The following KIT variants were observed in gnomAD, a reference collection of about 807,000 sequenced individuals.
The protein encoded by KIT is mast/stem cell growth factor receptor Kit.
Under a neutral mutation model 105.7 loss-of-function variants are expected in KIT, and 16 were observed. That is an observed-to-expected ratio of 0.15 (90% CI 0.10 to 0.23). The LOEUF is 0.23. Ranked by LOEUF, KIT falls within the 10% of genes least tolerant of loss-of-function variation. The pLI is 1.00. For missense variants in KIT, 858 were observed against 1,213.8 expected, an observed-to-expected ratio of 0.71 and a Z score of 4.36; for synonymous variants, 438 against 441.1, an observed-to-expected ratio of 0.99 and a Z score of 0.09.
At chr4:54,724,319 C>T (rs1295783980) in intron 8 of KIT, among the ~76,000 whole-genome samples, 1 of 152,178 alleles carries the variant, frequency 6.6e-6, no homozygotes, top group East Asian at 1.9e-4. Context: ...CTATTTTATG[C>T]TCAGGCTTTA....
At chr4:54,689,908 C>G (rs1212511214) in intron 1 of KIT, among the ~76,000 whole-genome samples, 1 of 152,126 alleles carries the variant, frequency 6.6e-6, no homozygotes, top group African/African-American at 2.4e-5. Context: ...ATAACCTGTT[C>G]TACTTTCTGT....
intron 1 of KIT, among the ~76,000 whole-genome samples, chr4:54,672,014 T>C (rs1462470912): frequency 6.6e-6 from 1 of 152,284 alleles, no homozygotes; most frequent in Admixed American, 6.5e-5. Flanking sequence ...CAAATAAATA[T>C]AATTACATAA....
intron 7 of KIT, among the ~76,000 whole-genome samples, chr4:54,714,793 A>G (rs758088691): frequency 2.0e-5 from 3 of 152,212 alleles, no homozygotes; most frequent in Non-Finnish European, 4.4e-5. Flanking sequence ...TTATCCTTTA[A>G]TGACGAGCTT....
At chr4:54,693,266 G>A (rs748792716) in intron 1 of KIT, among the ~76,000 whole-genome samples, 1 of 152,150 alleles carries the variant, frequency 6.6e-6, no homozygotes, top group Non-Finnish European at 1.5e-5. Context: ...TCTTACTGTG[G>A]CATCTGCCCT....
chr4:54,732,195 A>G (rs997484372), intron 16 of KIT, among the ~76,000 whole-genome samples, 197 bp downstream of exon 16: 1 of 151,928 alleles, frequency 6.6e-6, no homozygotes, highest in Admixed American at 6.6e-5. Flanking sequence ...TTCCTGTTCT[A>G]ATTTATAAGC....
intron 7 of KIT, among the ~76,000 whole-genome samples, chr4:54,720,621 C>T (rs1423353505): frequency 6.6e-6 from 1 of 152,248 alleles, no homozygotes; most frequent in Non-Finnish European, 1.5e-5. Context: ...CATCACCTTA[C>T]TACCCAGAGA....
rs939479340 is a variant in KIT, at chr4:54,738,763, C to T, written c.*206C>T. ...GCAAAGGTTCCAACTGTATATATTC[C>T]CAATAGCAACGTAGCTTCTACCATG... On this transcript the variant is annotated 3_prime_UTR_variant, in exon 21 of 21. Coordinates refer to ENST00000288135, the MANE Select transcript of KIT (RefSeq NM_000222.3). 6.2e-6 allele frequency: 4 copies of T among 648,200 alleles called. No individual in the cohort carries two copies. Among genetic ancestry groups the T allele is most frequent in the Non-Finnish European group, 1.1e-5 (4 of 364,648 alleles). 40.2% of individuals were successfully genotyped at this position (648,200 alleles called of 1,614,324 possible).
chr4:54,737,356 G>A (rs959976230), intron 20 of KIT, 76 bp downstream of exon 20: 1 of 988,128 alleles, frequency 1.0e-6, no homozygotes, highest in African/African-American at 1.6e-5. Flanking sequence ...GGCTTTCAGG[G>A]TGAGGACTAA....
intron 1 of KIT, among the ~76,000 whole-genome samples, chr4:54,685,695 CGG>C (rs1719264825): frequency 6.6e-6 from 1 of 152,176 alleles, no homozygotes; most frequent in Non-Finnish European, 1.5e-5. Context: ...AGCCTCACAC[CGG>C]CAGCAATTCT....
intron 7 of KIT, among the ~76,000 whole-genome samples, chr4:54,713,651 G>C (rs1721292721): frequency 1.3e-5 from 2 of 152,164 alleles, no homozygotes; most frequent in African/African-American, 4.8e-5. Flanking sequence ...AAATGCTATT[G>C]AAAATCCTTG....
At position 54,707,121 on chromosome 4, in the gene KIT, C is replaced by T. The variant is rs746831586; in HGVS notation, c.949C>T (p.Pro317Ser). 1 of 1,553,398 alleles carries T rather than the reference C, an allele frequency of 6.4e-7. No homozygotes were observed. Among genetic ancestry groups the T allele is most frequent in the Non-Finnish European group, 8.9e-7 (1 of 1,125,540 alleles). The change falls in exon 6 of 21, where the codon CCC becomes TCC. Residue 317 changes from proline to serine, a missense_variant. By Grantham distance (74) the Pro-to-Ser change is moderately conservative. Coordinates refer to ENST00000288135, the MANE Select transcript of KIT (RefSeq NM_000222.3). The part of the protein sequence containing the change: ...VVDKGFINIF[P>S]MINTTVFVND... Reference sequence around the variant, plus strand: ...AGATAAAGGATTCATTAATATCTTCCCCATGATAAACACTACAGTATTTGT... The same window carrying T: ...AGATAAAGGATTCATTAATATCTTCTCCATGATAAACACTACAGTATTTGT...
intron 7 of KIT, among the ~76,000 whole-genome samples, chr4:54,723,132 T>C (rs1721999288): frequency 1.3e-5 from 2 of 152,134 alleles, no homozygotes; most frequent in Admixed American, 6.6e-5. Context: ...GGGCTTATCT[T>C]TTCCTCTAAC....
At chr4:54,670,707 C>A (rs1181995829) in intron 1 of KIT, among the ~76,000 whole-genome samples, 4 of 152,150 alleles carry the variant, frequency 2.6e-5, no homozygotes, top group Non-Finnish European at 4.4e-5. Flanking sequence ...GAAACTAGAA[C>A]TCCTCTCTCC....
rs72549301 is a variant in KIT at position 54,695,591 on chromosome 4, C to A, written c.147C>A (p.Arg49=). The A allele has an allele frequency of 3.1e-6, 5 of 1,614,064 alleles. No individual in the cohort carries two copies. The African/African-American group carries it at 6.7e-5, about 22-fold the overall frequency. Residue 49 remains arginine, a synonymous_variant, in exon 2 of 21, where the codon CGC becomes CGA. Coordinates refer to ENST00000288135, the MANE Select transcript of KIT (RefSeq NM_000222.3). Reference sequence around the variant, plus strand: ...CAGGAAAATCAGACTTAATAGTCCGCGTGGGCGACGAGATTAGGCTGTTAT... The same window carrying A: ...CAGGAAAATCAGACTTAATAGTCCGAGTGGGCGACGAGATTAGGCTGTTAT... ...IHPGKSDLIV[R]VGDEIRLLCT...
At chr4:54,672,638 G>A (rs545769372) in intron 1 of KIT, among the ~76,000 whole-genome samples, 2 of 151,976 alleles carry the variant, frequency 1.3e-5, no homozygotes, top group African/African-American at 2.4e-5. Flanking sequence ...TCTACTTTTC[G>A]GAACTTCACC....
chr4:54,671,107 C>T (rs76613894), intron 1 of KIT, among the ~76,000 whole-genome samples: 7,885 of 152,230 alleles, frequency 0.052, 316 homozygotes, highest in African/African-American at 0.1. Context: ...AGAGAGGTGA[C>T]AGGGTGACTT....
chr4:54,737,428 A>G (rs973015732), intron 20 of KIT, 148 bp downstream of exon 20: 56 of 705,386 alleles, frequency 7.9e-5, no homozygotes, highest in Non-Finnish European at 1.2e-4. Context: ...GGGGAAGTAA[A>G]GCAATGGAAA....
Position 54,723,581 on chromosome 4 carries a change from T to C in KIT, c.1232-3T>C, listed in dbSNP as rs1722024450. ...ACATATGGCCATTTCTGTTTTCCTG[T>C]AGCAAAACCAGAAATCCTGACTTAC... is the stretch of plus-strand genomic sequence containing the variant. On this transcript the variant is annotated splice_region_variant and splice_polypyrimidine_tract_variant and intron_variant, in intron 7 of 20. Transcript: ENST00000288135. The C allele has an allele frequency of 6.2e-7, 1 of 1,604,750 alleles. No homozygotes were observed. The highest frequency in any genetic ancestry group is 8.5e-7 in the Non-Finnish European group (1 of 1,171,582).
intron 1 of KIT, among the ~76,000 whole-genome samples, chr4:54,668,925 A>C (rs1282495509): frequency 2.0e-5 from 3 of 152,194 alleles, no homozygotes; most frequent in African/African-American, 7.2e-5. Context: ...TTAGTGGCTG[A>C]TGTTGAAAGA....
Sources: gnomAD v4.1 joint callset for allele counts (sites outside exome capture counted in the v4.1 genomes callset) on GRCh38, gnomAD v4.1.1 for gene constraint, MANE v1.5 for transcripts, NCBI Gene and HGNC (gene_info 2026-07-23, HGNC 2026-07-21) for gene names.